The following CTSE variants were observed in gnomAD, a reference collection of about 807,000 sequenced individuals.
The protein encoded by CTSE is erythrocyte membrane aspartic proteinase.
CTSE carries 43 observed loss-of-function variants against 42.8 expected under a neutral mutation model. The ratio of observed to expected loss-of-function variants is 1.01; its 90% CI spans 0.79 to 1.30. The LOEUF (loss-of-function observed/expected upper bound fraction) is 1.30, where lower values mean the gene tolerates loss of function less well. Ranked by LOEUF, CTSE falls within the 50% of genes most tolerant of loss-of-function variation. The pLI, the probability that CTSE is intolerant of heterozygous loss-of-function variation, is 0.00. For missense variants in CTSE, 532 were observed against 493.5 expected (o/e 1.08, Z -0.74); for synonymous variants, 205 against 191.5 (o/e 1.07, Z -0.58).
At chr1:206,019,861 A>G (rs1661364295) in intron 4 of CTSE, among the ~76,000 whole-genome samples, 1 of 139,378 alleles carries the variant, frequency 7.2e-6, no homozygotes, top group Non-Finnish European at 1.5e-5. Context: ...CTATTATATA[A>G]TAGATTAACA....
In CTSE at chr1:206,010,144, G is replaced by C. The variant is rs1661045303; in HGVS notation, c.*39C>G. 1 of 1,611,436 alleles carries C rather than the reference G, an allele frequency of 6.2e-7. No homozygotes were observed. The highest frequency in any genetic ancestry group is 1.7e-4 in the Middle Eastern group (1 of 5,970). ...GAATGCCCCAGCCTAACATATTCAA[G>C]GTCTGTCAGACAGGCAGGCACAGAC... On this transcript the variant is annotated 3_prime_UTR_variant, in exon 9 of 9. Coordinates refer to ENST00000358184, the MANE Select transcript of CTSE (RefSeq NM_001910.4).
At chr1:206,023,580 T>C in intron 1 of CTSE, 144 bp downstream of exon 1, 1 of 708,076 alleles carries the variant, frequency 1.4e-6, no homozygotes, top group South Asian at 1.7e-5. Context: ...AGGCGGTCAC[T>C]GGATGAGTCT....
At chr1:206,016,372 C>T (rs1661266345) in intron 4 of CTSE, among the ~76,000 whole-genome samples, 1 of 152,068 alleles carries the variant, frequency 6.6e-6, no homozygotes, top group African/African-American at 2.4e-5. Context: ...CTCCTGACTT[C>T]TAATAACATA....
Position 206,012,651 on chromosome 1 carries a change from T to C in CTSE, c.786-2A>G. On this transcript the variant is annotated splice_acceptor_variant, in intron 6 of 8. Transcript: ENST00000358184. LOFTEE classifies it high-confidence loss of function. ...ATAACAGTGCCTCCCACCTGGATGC[T>C]GAGGGGACAGGGTTGTGGTCGGCCC... 3.7e-6 allele frequency: 6 copies of C among 1,613,620 alleles called. No individual in the cohort carries two copies. Among genetic ancestry groups the C allele is most frequent in the Non-Finnish European group, 5.1e-6 (6 of 1,179,666 alleles).
chr1:206,010,483 G>C, intron 8 of CTSE, 136 bp from the exon 9 acceptor site: 1 of 737,344 alleles, frequency 1.4e-6, no homozygotes, highest in South Asian at 1.6e-5. Flanking sequence ...ATTTTGGTCG[G>C]TGGGTTCTTC....
rs1226967303 is a variant in CTSE at position 206,009,562 on chromosome 1, A to G, written c.*621T>C. ...GGAAAGAGACTTACAGACATTTCAAATAAATGCAATATATGGGCCTTGCTT... is the reference window on the plus strand; with the variant it reads ...GGAAAGAGACTTACAGACATTTCAAGTAAATGCAATATATGGGCCTTGCTT... On this transcript the variant is annotated 3_prime_UTR_variant, in exon 9 of 9. Transcript: ENST00000358184. 6.5e-6 allele frequency: 1 copy of G among 152,840 alleles called. No homozygotes were observed. 9.5% of individuals were successfully genotyped at this position (152,840 alleles called of 1,614,324 possible). A position where few individuals can be genotyped will look rare whatever the true frequency, so the allele number is the denominator to read the frequency against.
At chr1:206,013,028 T>TA (rs1353622842) in intron 6 of CTSE, among the ~76,000 whole-genome samples, 1 of 152,036 alleles carries the variant, frequency 6.6e-6, no homozygotes, top group Non-Finnish European at 1.5e-5. Context: ...TCATGACCCA[T>TA]AAATAGGTGA....
Position 206,022,273 on chromosome 1 carries a change from A to G in CTSE, c.226-6T>C. 6.3e-7 allele frequency: 1 copy of G among 1,590,360 alleles called. No homozygotes were observed. Among genetic ancestry groups the G allele is most frequent in the African/African-American group, 1.3e-5 (1 of 74,564 alleles). ...ATAGTGCCGAAGTATTCCATCTGCA[A>G]GGAAGAGTGAGAAGGAAAGAGGGTG... On this transcript the variant is annotated splice_region_variant and splice_polypyrimidine_tract_variant and intron_variant, in intron 2 of 8. Coordinates refer to ENST00000358184, the MANE Select transcript of CTSE (RefSeq NM_001910.4).
At chr1:206,016,662 A>G (rs1272582065) in intron 4 of CTSE, among the ~76,000 whole-genome samples, 1 of 152,136 alleles carries the variant, frequency 6.6e-6, no homozygotes, top group African/African-American at 2.4e-5. Flanking sequence ...CTGGATATTC[A>G]TATGACCTGG....
At chr1:206,018,845 T>A (rs1661331841) in intron 4 of CTSE, among the ~76,000 whole-genome samples, 1 of 152,066 alleles carries the variant, frequency 6.6e-6, no homozygotes, top group African/African-American at 2.4e-5. Flanking sequence ...CTTTGTTAAT[T>A]TTCTGTACTG....
chr1:206,019,117 G>T (rs1661338938), intron 4 of CTSE, among the ~76,000 whole-genome samples: 1 of 152,016 alleles, frequency 6.6e-6, no homozygotes, highest in Non-Finnish European at 1.5e-5. Context: ...GTCAGTCAGG[G>T]TTTGATAAGA....
chr1:206,012,247 G>A (rs1021586906), intron 8 of CTSE, 61 bp downstream of exon 8: 50 of 1,372,430 alleles, frequency 3.6e-5, no homozygotes, highest in Admixed American at 3.6e-4. Flanking sequence ...GATTGAAAAG[G>A]GGAAGTGGCA....
rs1553277097 is a variant in CTSE, at chr1:206,012,356, G to A, written c.978C>T (p.Thr326=). 1 of 1,613,976 alleles carries A rather than the reference G, an allele frequency of 6.2e-7. No individual in the cohort carries two copies. The highest frequency in any genetic ancestry group is 8.5e-7 in the Non-Finnish European group (1 of 1,179,920). Residue 326 remains threonine (T), a synonymous_variant, in exon 8 of 9, where the codon ACC becomes ACT. Transcript: ENST00000358184. ...TGAGGGTATAGGGGACTCCGTTAAT[G>A]GTGAAGGTGACATCCGGCATGACGT... ...NLNVMPDVTF[T]INGVPYTLSP... is the part of the protein sequence containing the mutation.
In CTSE at chr1:206,012,562, G is replaced by C; in HGVS notation, c.873C>G (p.Ser291=). The change falls in exon 7 of 9, where the codon TCC becomes TCG. Residue 291 remains serine (S), a synonymous_variant. Transcript: ENST00000358184. ...DTGTSLITGP[S]DKIKQLQNAI... The stretch of plus-strand genomic sequence containing the variant: ...CGTTTTGCAGCTGCTTAATCTTGTC[G>C]GAAGGGCCAGTGATGAGGGAAGTCC... 2 of 1,614,006 alleles carry C rather than the reference G, an allele frequency of 1.2e-6. No homozygotes were observed. The highest frequency in any genetic ancestry group is 1.7e-6 in the Non-Finnish European group (2 of 1,179,936).
chr1:206,023,161 A>AG lies in CTSE; in HGVS notation c.69-105dup, dbSNP rs1242859703. ...GGCCAACTAGAGAAGATGGGGTGGG[A>AG]GGGGGGGATCTGCAAGACAGCACGC... On this transcript the variant is annotated intron_variant, in intron 1 of 8. Coordinates refer to ENST00000358184, the MANE Select transcript of CTSE (RefSeq NM_001910.4). 12 of 327,638 alleles carry AG rather than the reference A, an allele frequency of 3.7e-5. 1 individual carries two copies. The highest frequency in any genetic ancestry group is 6.5e-5 in the Admixed American group (2 of 30,928). The allele number at this position is 327,638 out of a possible 1,614,324, so 20.3% of individuals were successfully genotyped here.
Position 206,015,926 on chromosome 1 carries a change from C to T in CTSE, c.662+5G>A, listed in dbSNP as rs782719904. 1 of 1,613,388 alleles carries T rather than the reference C, an allele frequency of 6.2e-7. No individual in the cohort carries two copies. The highest frequency in any genetic ancestry group is 1.7e-5 in the Admixed American group (1 of 59,990). ...CTTTAACCTCACAGACTTGATGGGC[C>T]TTACCTGCTCATGTAGACAGAAAAC... is the stretch of plus-strand genomic sequence containing the variant. On this transcript the variant is annotated splice_donor_5th_base_variant and intron_variant, in intron 5 of 8. Transcript: ENST00000358184.
At chr1:206,020,187 T>C (rs1244485018) in intron 4 of CTSE, among the ~76,000 whole-genome samples, 5 of 148,592 alleles carry the variant, frequency 3.4e-5, no homozygotes, top group Non-Finnish European at 7.4e-5. Context: ...TTATATATTA[T>C]ATATTATATA....
At position 206,009,459 on chromosome 1, in the gene CTSE, G is replaced by C. The variant is rs1661021053; in HGVS notation, c.*724C>G. ...GATCTAACTACCATTTTATAGGAAA[G>C]ATAAGTTCAGAGAACCATGTCAAAT... On this transcript the variant is annotated 3_prime_UTR_variant, in exon 9 of 9. Transcript: ENST00000358184. 6.6e-6 allele frequency: 1 copy of C among 152,074 alleles called. No individual in the cohort carries two copies. The highest frequency in any genetic ancestry group is 2.4e-5 in the African/African-American group (1 of 41,428). The allele number at this position is 152,074 out of a possible 1,614,324, so 9.4% of individuals were successfully genotyped here. A position where few individuals can be genotyped will look rare whatever the true frequency, so the allele number is the denominator to read the frequency against.
chr1:206,017,714 T>C (rs1661300606), intron 4 of CTSE, among the ~76,000 whole-genome samples: 1 of 152,002 alleles, frequency 6.6e-6, no homozygotes, highest in African/African-American at 2.4e-5. Context: ...CCTGACCTCA[T>C]GATCCACCTG....
Sources: gnomAD v4.1 joint callset for allele counts (sites outside exome capture counted in the v4.1 genomes callset) on GRCh38, gnomAD v4.1.1 for gene constraint, MANE v1.5 for transcripts, NCBI Gene and HGNC (gene_info 2026-07-23, HGNC 2026-07-21) for gene names.